Variants in THADA observed in about 807,000 individuals in gnomAD.
The protein encoded by THADA is THADA armadillo repeat containing.
In THADA, 213 loss-of-function variants were observed where a neutral mutation model predicts 219.8. The ratio of observed to expected loss-of-function variants is 0.97; its 90% CI spans 0.87 to 1.09. The LOEUF (loss-of-function observed/expected upper bound fraction) is 1.09. Among genes scored for constraint, THADA ranks in the 50% least tolerant of loss-of-function variants. THADA has a pLI of 0.00. For synonymous variants in THADA, 1,018 were observed against 828.9 expected (o/e 1.23, Z -3.92); for missense variants, 2,956 against 2,311.3 (o/e 1.28, Z -5.72).
intron 36 of THADA, among the ~76,000 whole-genome samples, chr2:43,241,591 T>TA (rs200831799): frequency 3.4e-5 from 5 of 148,410 alleles, no homozygotes; most frequent in African/African-American, 9.9e-5. Context: ...CACATGGATT[T>TA]AAAAAAAAAT....
At chr2:43,426,167 A>G (rs1484442621) in intron 28 of THADA, among the ~76,000 whole-genome samples, 1 of 152,234 alleles carries the variant, frequency 6.6e-6, no homozygotes, top group Admixed American at 6.5e-5. Context: ...TTTGTTTTAT[A>G]TAATGGATAC....
chr2:43,523,361 T>C (rs1692740423), intron 22 of THADA, among the ~76,000 whole-genome samples: 1 of 152,120 alleles, frequency 6.6e-6, no homozygotes, highest in African/African-American at 2.4e-5. Flanking sequence ...AGAGATTCTG[T>C]CTCAAATAAA....
At chr2:43,436,861 G>C (rs1008074071) in intron 26 of THADA, among the ~76,000 whole-genome samples, 6 of 152,124 alleles carry the variant, frequency 3.9e-5, no homozygotes, top group African/African-American at 1.4e-4. Flanking sequence ...TATTTCTTTT[G>C]TGAAAGCAGG....
intron 26 of THADA, among the ~76,000 whole-genome samples, chr2:43,469,600 T>C (rs1684666556): frequency 2.0e-5 from 3 of 152,204 alleles, no homozygotes; most frequent in African/African-American, 7.2e-5. Context: ...TTAAAAGGCT[T>C]GGTTATTAGT....
chr2:43,488,689 T>C (rs1043678159), intron 25 of THADA, among the ~76,000 whole-genome samples: 3 of 152,226 alleles, frequency 2.0e-5, no homozygotes, highest in Admixed American at 6.5e-5. Context: ...CTCATGACTA[T>C]ATACCTAGAA....
intron 14 of THADA, 39 bp downstream of exon 14, chr2:43,570,349 T>G: frequency 6.4e-7 from 1 of 1,552,272 alleles, no homozygotes; most frequent in South Asian, 1.2e-5. Context: ...ACTTTTTAAT[T>G]TAAAAAAAAA....
rs1232916678 is a variant in THADA at position 43,344,199 on chromosome 2, G to A, written c.4266C>T (p.His1422=). ...HLLQAYSDSK[H]GTNSDFQHEL... ...CGTGCTGGAAGTCTGAATTCGTTCC[G>A]TGTTTGGAGTCTGAGTAGGCTTGCA... The change falls in exon 30 of 38, where the codon CAC becomes CAT. Residue 1422 remains histidine (H), a synonymous_variant. Coordinates refer to ENST00000405975, the MANE Select transcript of THADA (RefSeq NM_022065.5). 9 of 1,612,206 alleles carry A rather than the reference G, an allele frequency of 5.6e-6. No individual in the cohort carries two copies. The highest frequency in any genetic ancestry group is 1.3e-5 in the African/African-American group (1 of 74,852).
chr2:43,261,929 G>A (rs558558845), intron 36 of THADA, among the ~76,000 whole-genome samples: 14 of 151,868 alleles, frequency 9.2e-5, no homozygotes, highest in African/African-American at 3.1e-4. Context: ...GAGCCACCGC[G>A]CCTGGCAATT....
chr2:43,256,931 A>G (rs890895022), intron 36 of THADA, among the ~76,000 whole-genome samples: 3 of 152,212 alleles, frequency 2.0e-5, no homozygotes, highest in African/African-American at 4.8e-5. Flanking sequence ...TTCATTTTAT[A>G]CAGAAACTGA....
intron 26 of THADA, among the ~76,000 whole-genome samples, chr2:43,446,753 G>A (rs7587268): frequency 0.11 from 16,778 of 152,234 alleles, 1,058 homozygotes; most frequent in African/African-American, 0.16. Context: ...AGACTCTGTG[G>A]AAAAGGTAAT....
At chr2:43,351,547 C>T (rs1485615117) in intron 29 of THADA, among the ~76,000 whole-genome samples, 2 of 152,238 alleles carry the variant, frequency 1.3e-5, no homozygotes, top group Admixed American at 1.3e-4. Context: ...AGTGCTCCAA[C>T]ATCTCCTTTA....
At chr2:43,578,689 G>C in intron 8 of THADA, 82 bp from the exon 9 acceptor site, 2 of 946,724 alleles carry the variant, frequency 2.1e-6, no homozygotes, top group Non-Finnish European at 3.1e-6. Context: ...TGAGCAGCCA[G>C]ATAGGCCTGG....
At chr2:43,529,052 CT>C (rs1306047549) in intron 21 of THADA, among the ~76,000 whole-genome samples, 1 of 152,064 alleles carries the variant, frequency 6.6e-6, no homozygotes, top group Non-Finnish European at 1.5e-5. Flanking sequence ...CTAGGCTTCA[CT>C]TCAAGACAGA....
At chr2:43,581,714 C>A in intron 8 of THADA, 27 bp downstream of exon 8, 1 of 1,568,786 alleles carries the variant, frequency 6.4e-7, no homozygotes, top group Non-Finnish European at 8.7e-7. Context: ...AATTATATAT[C>A]ATTTGTATAT....
chr2:43,238,339 G>T (rs1668278780), intron 36 of THADA, among the ~76,000 whole-genome samples: 1 of 151,912 alleles, frequency 6.6e-6, no homozygotes, highest in Non-Finnish European at 1.5e-5. Context: ...ACTACATAAA[G>T]AACTCTTAAT....
intron 34 of THADA, among the ~76,000 whole-genome samples, chr2:43,288,400 A>G (rs1674304679): frequency 6.6e-6 from 1 of 152,282 alleles, no homozygotes; most frequent in Non-Finnish European, 1.5e-5. Context: ...CCTGGGAGAC[A>G]GAATGAGACT....
At chr2:43,308,184 G>T (rs945280639) in intron 31 of THADA, among the ~76,000 whole-genome samples, 1 of 152,068 alleles carries the variant, frequency 6.6e-6, no homozygotes, top group African/African-American at 2.4e-5. Flanking sequence ...GTGAGACCCT[G>T]TATCATTCTT....
intron 29 of THADA, among the ~76,000 whole-genome samples, chr2:43,377,083 G>T (rs1481202419): frequency 2.6e-5 from 4 of 152,160 alleles, no homozygotes; most frequent in Non-Finnish European, 5.9e-5. Context: ...CCCCGGGAGT[G>T]GCACAATATC....
At chr2:43,365,194 G>A (rs1412168001) in intron 29 of THADA, among the ~76,000 whole-genome samples, 1 of 151,900 alleles carries the variant, frequency 6.6e-6, no homozygotes, top group Non-Finnish European at 1.5e-5. Context: ...CAATGTGTTG[G>A]GATTACAGGT....
Sources: allele counts gnomAD v4.1 joint callset (sites outside exome capture counted in the v4.1 genomes callset), GRCh38; gene constraint gnomAD v4.1.1; transcripts MANE v1.5; gene names NCBI Gene and HGNC (gene_info 2026-07-23, HGNC 2026-07-21).